PCGF5: variants seen among roughly 807,000 people sequenced by gnomAD.
The protein encoded by PCGF5 is polycomb group ring finger 5, also known as polycomb group RING finger protein 5.
PCGF5 carries 9 observed loss-of-function variants against 44.3 expected under a neutral mutation model. That is an observed-to-expected ratio of 0.20 (90% confidence interval 0.12 to 0.35). The LOEUF is 0.35. Ranked by LOEUF, PCGF5 falls within the 10% of genes least tolerant of loss-of-function variation. The pLI, the probability that PCGF5 is intolerant of heterozygous loss-of-function variation, is 1.00. For synonymous variants in PCGF5, 95 were observed against 102.5 expected (o/e 0.93, Z 0.44); for missense variants, 146 against 305.3 (o/e 0.48, Z 3.89).
intron 3 of PCGF5, among the ~76,000 whole-genome samples, chr10:91,243,703 G>A (rs905358005): frequency 6.6e-6 from 1 of 152,058 alleles, no homozygotes; most frequent in Non-Finnish European, 1.5e-5. Flanking sequence ...ATTAAAACCT[G>A]AAGCAGTGTA....
At chr10:91,253,674 G>A (rs1226557137) in intron 6 of PCGF5, among the ~76,000 whole-genome samples, 1 of 151,958 alleles carries the variant, frequency 6.6e-6, no homozygotes, top group Non-Finnish European at 1.5e-5. Context: ...CCAGTTTAGT[G>A]CTGCTCACCC....
upstream of PCGF5, chr10:91,220,399 T>G (rs2133270489): frequency 6.6e-6 from 1 of 152,356 alleles, no homozygotes; most frequent in South Asian, 2.1e-4. Context: ...TGTTATGATG[T>G]AAACAACCGA....
At chr10:91,179,679 T>G (rs185154445) in intron 1 of PCGF5, among the ~76,000 whole-genome samples, 2 of 152,346 alleles carry the variant, frequency 1.3e-5, no homozygotes, top group East Asian at 3.9e-4. Flanking sequence ...GGACATGATC[T>G]TGTTCTTTCT....
chr10:91,188,405 A>G (rs1287421329), intron 1 of PCGF5, among the ~76,000 whole-genome samples: 2 of 152,220 alleles, frequency 1.3e-5, no homozygotes, highest in African/African-American at 4.8e-5. Context: ...TTTTATTATT[A>G]TTACAATGAA....
intron 1 of PCGF5, among the ~76,000 whole-genome samples, chr10:91,214,190 T>A (rs961583393): frequency 4.6e-5 from 7 of 152,168 alleles, no homozygotes; most frequent in African/African-American, 1.4e-4. Context: ...TGGTCCCAGC[T>A]ACTCTGGAGG....
intron 1 of PCGF5, among the ~76,000 whole-genome samples, chr10:91,204,146 A>T (rs116797180): frequency 6.6e-6 from 1 of 152,350 alleles, no homozygotes; most frequent in African/African-American, 2.4e-5. Context: ...TTTTAGAATT[A>T]TGAATATAAT....
intron 1 of PCGF5, among the ~76,000 whole-genome samples, chr10:91,172,312 C>T (rs1040996728): frequency 3.9e-5 from 6 of 151,954 alleles, no homozygotes; most frequent in South Asian, 2.1e-4. Flanking sequence ...TCAGCTACAC[C>T]GGAGGGTGAA....
intron 1 of PCGF5, among the ~76,000 whole-genome samples, chr10:91,203,349 G>A (rs1844287240): frequency 6.9e-6 from 1 of 145,426 alleles, no homozygotes; most frequent in Non-Finnish European, 1.5e-5. Context: ...GTGTTCCTTT[G>A]TTTAACTTAC....
intron 1 of PCGF5, among the ~76,000 whole-genome samples, chr10:91,183,454 T>G (rs1843859503): frequency 6.6e-6 from 1 of 152,096 alleles, no homozygotes; most frequent in South Asian, 2.1e-4. Flanking sequence ...TGAGTCTATG[T>G]GTGTCTCTCC....
At chr10:91,178,268 T>C (rs1843749275) in intron 1 of PCGF5, among the ~76,000 whole-genome samples, 1 of 152,216 alleles carries the variant, frequency 6.6e-6, no homozygotes, top group Admixed American at 6.5e-5. Flanking sequence ...AAGACGGCAG[T>C]TTAAACATTT....
chr10:91,227,615 G>A, intron 2 of PCGF5: 1 of 1,139,008 alleles, frequency 8.8e-7, no homozygotes, highest in Non-Finnish European at 1.1e-6. Flanking sequence ...ATTCTTAACT[G>A]TGTCCAAGTG....
chr10:91,269,720 A>G (rs1215661478), intron 8 of PCGF5, among the ~76,000 whole-genome samples: 2 of 152,190 alleles, frequency 1.3e-5, no homozygotes, highest in Non-Finnish European at 1.5e-5. Flanking sequence ...AATCATACCA[A>G]TAATGAATGA....
intron 1 of PCGF5, among the ~76,000 whole-genome samples, chr10:91,196,045 C>T (rs2133223295): frequency 6.6e-6 from 1 of 151,160 alleles, no homozygotes; most frequent in Middle Eastern, 3.4e-3. Context: ...TTCTCGCATC[C>T]CCTACTGGTC....
At chr10:91,261,033 T>TTTTAA (rs71025350) in intron 6 of PCGF5, among the ~76,000 whole-genome samples, 19,673 of 151,690 alleles carry the variant, frequency 0.13, 2,391 homozygotes, top group African/African-American at 0.32. Flanking sequence ...CTTTTTTTCT[T>TTTTAA]TTTAAGCTCA....
Position 91,264,528 on chromosome 10 carries a change from G to A in PCGF5, c.663+8G>A. 6.3e-7 allele frequency: 1 copy of A among 1,587,876 alleles called. No homozygotes were observed. The highest frequency in any genetic ancestry group is 8.6e-7 in the Non-Finnish European group (1 of 1,160,982). ...CGACTAAGAGGCGAAAACGTAAATT[G>A]CTTTTATATTTACCTATGTGTTTAT... On this transcript the variant is annotated splice_region_variant and intron_variant, in intron 8 of 9. Coordinates refer to ENST00000336126, the MANE Select transcript of PCGF5 (RefSeq NM_032373.5).
At chr10:91,215,956 C>T (rs1352383000), upstream of PCGF5, among the ~76,000 whole-genome samples, 3 of 152,138 alleles carry the variant, frequency 2.0e-5, no homozygotes, top group East Asian at 5.8e-4. Flanking sequence ...TGTAAGGATC[C>T]CTTCAAGAAG....
At chr10:91,270,668 TG>T (rs1255976462) in intron 8 of PCGF5, among the ~76,000 whole-genome samples, 2 of 152,230 alleles carry the variant, frequency 1.3e-5, no homozygotes, top group Non-Finnish European at 2.9e-5. Context: ...CAAATATATT[TG>T]TTTTAATCAA....
At chr10:91,168,956 A>G (rs565297759) in intron 1 of PCGF5, among the ~76,000 whole-genome samples, 23 of 148,176 alleles carry the variant, frequency 1.6e-4, no homozygotes, top group Admixed American at 7.5e-4. Flanking sequence ...AAAAAAAAAA[A>G]AAGAAGGCTT....
intron 1 of PCGF5, among the ~76,000 whole-genome samples, chr10:91,164,045 C>T (rs1843447954): frequency 6.6e-6 from 1 of 152,256 alleles, no homozygotes; most frequent in Admixed American, 6.5e-5. Context: ...GAACGTGTGG[C>T]CGTGAGCTCC....
Sources: gnomAD v4.1 joint callset for allele counts (sites outside exome capture counted in the v4.1 genomes callset) on GRCh38, gnomAD v4.1.1 for gene constraint, MANE v1.5 for transcripts, NCBI Gene and HGNC (gene_info 2026-07-23, HGNC 2026-07-21) for gene names.